FSTL4: variants seen among roughly 807,000 people sequenced by gnomAD.
The protein encoded by FSTL4 is follistatin like 4, also known as follistatin-related protein 4.
In FSTL4, 28 loss-of-function variants were observed where a neutral mutation model predicts 78.2. The observed-to-expected ratio is 0.36, with a 90% CI of 0.27 to 0.49. The LOEUF (loss-of-function observed/expected upper bound fraction) is 0.49. FSTL4 is among the 20% of genes least tolerant of loss of function. The pLI is 0.98. For missense variants in FSTL4, 922 were observed against 1,084.9 expected, an observed-to-expected ratio of 0.85 and a Z score of 2.11; for synonymous variants, 422 against 440.5, an observed-to-expected ratio of 0.96 and a Z score of 0.53.
At chr5:133,601,351 G>A (rs542744415) in intron 2 of FSTL4, among the ~76,000 whole-genome samples, 5 of 152,260 alleles carry the variant, frequency 3.3e-5, no homozygotes, top group African/African-American at 7.2e-5. Flanking sequence ...ATATGCTAAC[G>A]TAAAAATAAA....
rs764868174 is a variant in FSTL4, at chr5:133,233,485, A to G, written c.947T>C (p.Met316Thr). The G allele has an allele frequency of 6.2e-7, 1 of 1,614,120 alleles. No individual in the cohort carries two copies. The highest frequency in any genetic ancestry group is 1.1e-5 in the South Asian group (1 of 91,078). The change falls in exon 8 of 16, where the codon ATG (methionine) becomes ACG (threonine). Residue 316 changes from methionine to threonine, a missense_variant. Physicochemically the swap from Met to Thr is moderately conservative, Grantham distance 81. Transcript: ENST00000265342. ...LYITKVTTIH[M>T]GNYTCHASGH... ...GGAAGCATGGCAGGTGTAATTGCCCATGTGGATGGTGGTCACCTTGGTGAT... is the reference window on the plus strand; with the variant it reads ...GGAAGCATGGCAGGTGTAATTGCCCGTGTGGATGGTGGTCACCTTGGTGAT...
chr5:133,429,366 A>T (rs937626093), intron 3 of FSTL4, among the ~76,000 whole-genome samples: 65 of 152,214 alleles, frequency 4.3e-4, no homozygotes, highest in African/African-American at 1.4e-3. Context: ...CTCACAAGGG[A>T]GGTAGAAATA....
At chr5:133,770,660 C>A in the FSTL4 span, among the ~76,000 whole-genome samples, 1 of 152,156 alleles carries the variant, frequency 6.6e-6, no homozygotes, top group African/African-American at 2.4e-5. Flanking sequence ...GTTTCCCATT[C>A]TACAGGTTGT....
At chr5:133,283,318 C>CCAAG (rs992895976) in intron 6 of FSTL4, among the ~76,000 whole-genome samples, 2 of 152,006 alleles carry the variant, frequency 1.3e-5, no homozygotes, top group African/African-American at 4.8e-5. Flanking sequence ...CCATGCCGTG[C>CCAAG]CTTGAGACTC....
intron 3 of FSTL4, among the ~76,000 whole-genome samples, chr5:133,557,046 C>T (rs1294411097): frequency 6.6e-6 from 1 of 152,174 alleles, no homozygotes; most frequent in African/African-American, 2.4e-5. Context: ...GCTTGATGCA[C>T]CTCCCCAGGT....
At chr5:133,641,220 T>A in the FSTL4 span, among the ~76,000 whole-genome samples, 1 of 151,358 alleles carries the variant, frequency 6.6e-6, no homozygotes, top group African/African-American at 2.4e-5. Context: ...GTGCCCACAC[T>A]GATAGCCTAA....
chr5:133,417,459 G>A (rs1756598930), intron 3 of FSTL4, among the ~76,000 whole-genome samples: 1 of 152,034 alleles, frequency 6.6e-6, no homozygotes, highest in East Asian at 1.9e-4. Flanking sequence ...AGGGCAGAAG[G>A]AATATTTGAA....
At chr5:133,710,279 C>A in the FSTL4 span, among the ~76,000 whole-genome samples, 6 of 152,196 alleles carry the variant, frequency 3.9e-5, no homozygotes, top group African/African-American at 1.4e-4. Context: ...TGGGAATTTG[C>A]AATCTGAATA....
At chr5:133,318,772 G>A (rs1224186772) in intron 4 of FSTL4, among the ~76,000 whole-genome samples, 2 of 152,248 alleles carry the variant, frequency 1.3e-5, no homozygotes, top group African/African-American at 2.4e-5. Flanking sequence ...AAAAGGGCAG[G>A]ATGCCCCATC....
chr5:133,631,486 A>G, the FSTL4 span, among the ~76,000 whole-genome samples: 1 of 152,234 alleles, frequency 6.6e-6, no homozygotes, highest in Non-Finnish European at 1.5e-5. Flanking sequence ...ATCATTAAAA[A>G]GTCAGGAAAC....
chr5:133,625,464 GT>G, the FSTL4 span, among the ~76,000 whole-genome samples: 1 of 151,082 alleles, frequency 6.6e-6, no homozygotes, highest in Non-Finnish European at 1.5e-5. Context: ...AATAGTCCTT[GT>G]TTAATTCCTG....
chr5:133,201,883 G>T (rs1236289581), intron 15 of FSTL4, 50 bp downstream of exon 15: 1 of 1,073,936 alleles, frequency 9.3e-7, no homozygotes, highest in Non-Finnish European at 1.4e-6. Flanking sequence ...CCCCTTGCAG[G>T]GCTGAGCTGG....
intron 14 of FSTL4, 72 bp downstream of exon 14, chr5:133,210,119 A>T: frequency 1.3e-6 from 1 of 798,944 alleles, no homozygotes; most frequent in Non-Finnish European, 2.2e-6. Flanking sequence ...GAAGCAGGAG[A>T]TACTTATTTT....
chr5:133,811,769 C>T, the FSTL4 span, among the ~76,000 whole-genome samples: 1 of 152,218 alleles, frequency 6.6e-6, no homozygotes, highest in African/African-American at 2.4e-5. Context: ...CCTCACACCC[C>T]TGGGGAGCCC....
At chr5:133,545,471 C>T (rs559937922) in intron 3 of FSTL4, among the ~76,000 whole-genome samples, 2 of 152,334 alleles carry the variant, frequency 1.3e-5, no homozygotes, top group South Asian at 2.1e-4. Context: ...TGTCATGATG[C>T]AGCATGAAGC....
At chr5:133,553,395 T>G (rs1759727707) in intron 3 of FSTL4, among the ~76,000 whole-genome samples, 1 of 152,204 alleles carries the variant, frequency 6.6e-6, no homozygotes, top group Non-Finnish European at 1.5e-5. Context: ...CAGACTTGCC[T>G]TAGAGCTGAG....
chr5:133,698,223 C>CT, the FSTL4 span, among the ~76,000 whole-genome samples: 1 of 66,016 alleles, frequency 1.5e-5, no homozygotes, highest in Non-Finnish European at 2.8e-5. Flanking sequence ...GCAAGCAGCA[C>CT]CCCCAGAGAC....
intron 3 of FSTL4, among the ~76,000 whole-genome samples, chr5:133,467,084 G>A (rs925563314): frequency 3.9e-5 from 6 of 152,024 alleles, no homozygotes; most frequent in African/African-American, 1.5e-4. Flanking sequence ...GTGTATGTGT[G>A]AGTGTAAGAG....
rs545623799 is a variant in FSTL4, at chr5:133,472,233, C to T, written c.161-71247G>A. Among the ~76,000 whole-genome samples the T allele has an allele frequency of 4.6e-5, 7 of 152,252 alleles. No individual in the cohort carries two copies. The East Asian group carries it at 5.8e-4, about 13-fold the overall frequency. ...TTCAACCTGGAATTCTATATCCAGC[C>T]GATCTGTCAATCAAGTACAAGTACA... On this transcript the variant is annotated intron_variant, in intron 3 of 15. Transcript: ENST00000265342.
Sources: gnomAD v4.1 joint callset for allele counts (sites outside exome capture counted in the v4.1 genomes callset) on GRCh38, gnomAD v4.1.1 for gene constraint, MANE v1.5 for transcripts, NCBI Gene and HGNC (gene_info 2026-07-23, HGNC 2026-07-21) for gene names.